The following CNTN3 variants were observed in gnomAD, a reference collection of about 807,000 sequenced individuals.
The protein encoded by CNTN3 is contactin 3.
In CNTN3, 60 loss-of-function variants were observed where a neutral mutation model predicts 119.1. The observed-to-expected ratio is 0.50, with a 90% confidence interval of 0.41 to 0.62. The LOEUF (loss-of-function observed/expected upper bound fraction) is 0.62, where lower values mean the gene tolerates loss of function less well. Among genes scored for constraint, CNTN3 ranks in the 20% least tolerant of loss-of-function variants. The pLI is 0.00. For missense variants in CNTN3, 1,101 were observed against 1,242.4 expected (o/e 0.89, Z 1.71); for synonymous variants, 450 against 438.7 (o/e 1.03, Z -0.32).
chr3:74,485,528 A>C (rs1702837504), intron 4 of CNTN3, among the ~76,000 whole-genome samples: 1 of 152,086 alleles, frequency 6.6e-6, no homozygotes, highest in Non-Finnish European at 1.5e-5. Flanking sequence ...TAGAAAGCAA[A>C]AGAATAGGCT....
chr3:74,550,740 C>A (rs1703977961), intron 1 of CNTN3, among the ~76,000 whole-genome samples: 1 of 152,138 alleles, frequency 6.6e-6, no homozygotes, highest in Admixed American at 6.5e-5. Context: ...TGGGGTCTTG[C>A]CATGTTGCCC....
chr3:74,566,628 T>C (rs562136690), intron 1 of CNTN3, among the ~76,000 whole-genome samples: 1 of 152,266 alleles, frequency 6.6e-6, no homozygotes, highest in Non-Finnish European at 1.5e-5. Context: ...GTCTCTCTTT[T>C]TGTAGAGACA....
chr3:74,598,572 T>A (rs577615224), intron 1 of CNTN3, among the ~76,000 whole-genome samples: 1 of 152,164 alleles, frequency 6.6e-6, no homozygotes, highest in South Asian at 2.1e-4. Flanking sequence ...CCATAGATAA[T>A]CAATAAATTT....
At chr3:74,473,997 T>A (rs1215157143) in intron 4 of CNTN3, among the ~76,000 whole-genome samples, 1 of 152,150 alleles carries the variant, frequency 6.6e-6, no homozygotes, top group African/African-American at 2.4e-5. Flanking sequence ...ATGTTCAGCA[T>A]GAAATTATAG....
chr3:74,352,661 A>G (rs143685872), intron 11 of CNTN3, among the ~76,000 whole-genome samples: 1 of 152,242 alleles, frequency 6.6e-6, no homozygotes, highest in Admixed American at 6.5e-5. Flanking sequence ...GTGAAAAATA[A>G]CAATATGATA....
chr3:74,608,246 A>G (rs1021927426), intron 1 of CNTN3, among the ~76,000 whole-genome samples: 7 of 152,202 alleles, frequency 4.6e-5, no homozygotes, highest in Non-Finnish European at 7.3e-5. Flanking sequence ...GAAACAGTGC[A>G]AGTGAAATAG....
At chr3:74,547,516 C>A (rs972403567) in intron 1 of CNTN3, among the ~76,000 whole-genome samples, 1 of 152,124 alleles carries the variant, frequency 6.6e-6, no homozygotes, top group Non-Finnish European at 1.5e-5. Flanking sequence ...TTCTACCTGG[C>A]AAACAAATGT....
intron 11 of CNTN3, among the ~76,000 whole-genome samples, chr3:74,342,831 C>G (rs1703580303): frequency 6.6e-6 from 1 of 152,146 alleles, no homozygotes; most frequent in Non-Finnish European, 1.5e-5. Context: ...CAACTATCAT[C>G]TAAGTAACTC....
At chr3:74,411,775 G>T (rs1425972667) in intron 5 of CNTN3, among the ~76,000 whole-genome samples, 1 of 152,040 alleles carries the variant, frequency 6.6e-6, no homozygotes, top group African/African-American at 2.4e-5. Context: ...CCATCAATTA[G>T]ATAGTCTTGC....
At chr3:74,460,730 C>T (rs1384849272) in intron 4 of CNTN3, among the ~76,000 whole-genome samples, 5 of 142,974 alleles carry the variant, frequency 3.5e-5, no homozygotes, top group Non-Finnish European at 7.6e-5. Flanking sequence ...ATAATTTTTA[C>T]AGTTACCATC....
chr3:74,320,793 C>T (rs1050265752), intron 13 of CNTN3, among the ~76,000 whole-genome samples: 4 of 152,084 alleles, frequency 2.6e-5, no homozygotes, highest in African/African-American at 9.7e-5. Flanking sequence ...TTAGAGCACA[C>T]TTTTATTGTG....
chr3:74,522,246 G>A (rs1703553855), intron 1 of CNTN3, among the ~76,000 whole-genome samples: 1 of 151,874 alleles, frequency 6.6e-6, no homozygotes, highest in Non-Finnish European at 1.5e-5. Context: ...TTAGGTGCCT[G>A]CAATCTAATA....
chr3:74,407,007 T>C (rs1018707684), intron 5 of CNTN3, among the ~76,000 whole-genome samples: 12 of 152,186 alleles, frequency 7.9e-5, no homozygotes, highest in Non-Finnish European at 1.5e-4. Flanking sequence ...TAAATTTTCC[T>C]GCTAAGAAGC....
At chr3:74,390,461 T>C (rs1296641068) in intron 5 of CNTN3, among the ~76,000 whole-genome samples, 1 of 149,406 alleles carries the variant, frequency 6.7e-6, no homozygotes, top group Non-Finnish European at 1.5e-5. Flanking sequence ...CTTCCTTCCA[T>C]CAGGCCCCAG....
intron 20 of CNTN3, among the ~76,000 whole-genome samples, chr3:74,280,089 C>T (rs1701971683): frequency 6.6e-6 from 1 of 152,044 alleles, no homozygotes; most frequent in South Asian, 2.1e-4. Context: ...GCTTATTTCA[C>T]ATTGCATATC....
rs376013441 is a variant in CNTN3, at chr3:74,486,517, T to C, written c.297A>G (p.Gln99=). 9 of 1,606,342 alleles carry C rather than the reference T, an allele frequency of 5.6e-6. No individual in the cohort carries two copies. In the Admixed American group the frequency reaches 1.2e-4, roughly 22 times the overall value. ...TTCCAAGTGAATTTGTTGCAAAACATTGGTAAGTTCCTGTATCCCAATTTC... is the reference window on the plus strand; with the variant it reads ...TTCCAAGTGAATTTGTTGCAAAACACTGGTAAGTTCCTGTATCCCAATTTC... ...PNRNWDTGTY[Q]CFATNSLGTI... The change falls in exon 4 of 23, where the codon CAA becomes CAG. Residue 99 remains glutamine (Q), a synonymous_variant. Coordinates refer to ENST00000263665, the MANE Select transcript of CNTN3 (RefSeq NM_020872.3).
At chr3:74,363,999 T>C (rs1376125782) in intron 10 of CNTN3, among the ~76,000 whole-genome samples, 1 of 152,118 alleles carries the variant, frequency 6.6e-6, no homozygotes, top group African/African-American at 2.4e-5. Context: ...CATCTATAAT[T>C]TCAAGCAGTG....
chr3:74,526,177 A>G (rs576826446), intron 1 of CNTN3, among the ~76,000 whole-genome samples: 1 of 151,262 alleles, frequency 6.6e-6, no homozygotes, highest in South Asian at 2.1e-4. Context: ...TACTTCAGAA[A>G]TGAATTATAT....
rs1702858241 is a variant in CNTN3 at position 74,486,335 on chromosome 3, CTCAG to C, written c.358+117_358+120del. The stretch of plus-strand genomic sequence containing the variant: ...TCCAAAAATCATACTGAATTGCTTT[CTCAG>C]TCTATTTACTGAATTAATAAAACCC... On this transcript the variant is annotated intron_variant, in intron 4 of 22. Coordinates refer to ENST00000263665, the MANE Select transcript of CNTN3 (RefSeq NM_020872.3). 33 of 846,248 alleles carry C rather than the reference CTCAG, an allele frequency of 3.9e-5. No homozygotes were observed. In the South Asian group the frequency reaches 5.6e-4, roughly 14 times the overall value. 52.4% of individuals were successfully genotyped at this position (846,248 alleles called of 1,614,324 possible).
Sources: allele counts gnomAD v4.1 joint callset (sites outside exome capture counted in the v4.1 genomes callset), GRCh38; gene constraint gnomAD v4.1.1; transcripts MANE v1.5; gene names NCBI Gene and HGNC (gene_info 2026-07-23, HGNC 2026-07-21).